MPPED1: variants seen among roughly 807,000 people sequenced by gnomAD.
MPPED1 encodes metallophosphoesterase domain containing 1, also known as metallophosphoesterase domain-containing protein 1.
MPPED1 carries 16 observed loss-of-function variants against 36.2 expected under a neutral mutation model. That is an observed-to-expected ratio of 0.44 (90% CI 0.30 to 0.67). MPPED1 has a LOEUF of 0.67. Ranked by LOEUF, MPPED1 falls within the 30% of genes least tolerant of loss-of-function variation. The pLI is 0.10. For synonymous variants in MPPED1, 199 were observed against 191.3 expected (o/e 1.04, Z -0.33); for missense variants, 307 against 453.4 (o/e 0.68, Z 2.93).
At chr22:43,458,627 GCTCT>G (rs951350633) in intron 3 of MPPED1, among the ~76,000 whole-genome samples, 6 of 152,130 alleles carry the variant, frequency 3.9e-5, no homozygotes, top group Admixed American at 3.9e-4. Flanking sequence ...CTTTACCAGT[GCTCT>G]CTATTTCTTC....
intron 3 of MPPED1, among the ~76,000 whole-genome samples, chr22:43,453,482 G>C (rs1383173168): frequency 6.6e-6 from 1 of 151,992 alleles, no homozygotes; most frequent in Non-Finnish European, 1.5e-5. Context: ...TGGTGAGTTG[G>C]AACCAGGTAT....
At chr22:43,431,725 C>T (rs899808548) in intron 2 of MPPED1, among the ~76,000 whole-genome samples, 6 of 152,240 alleles carry the variant, frequency 3.9e-5, no homozygotes, top group Admixed American at 2.0e-4. Context: ...GAGCCACTGC[C>T]TGTAACGTGC....
At chr22:43,419,263 G>C (rs971399688) in intron 1 of MPPED1, 1 of 152,198 alleles carries the variant, frequency 6.6e-6, no homozygotes, top group Non-Finnish European at 1.5e-5. Context: ...ATAAAAAGCC[G>C]ACTGTGTGTT....
chr22:43,476,003 ATGG>A (rs1159244114), intron 4 of MPPED1, among the ~76,000 whole-genome samples: 24 of 87,260 alleles, frequency 2.8e-4, no homozygotes, highest in African/African-American at 8.3e-4. Context: ...GGTGATGATG[ATGG>A]TGGTGGTGGT....
At chr22:43,446,300 G>C (rs1930344739) in intron 3 of MPPED1, among the ~76,000 whole-genome samples, 3 of 152,218 alleles carry the variant, frequency 2.0e-5, no homozygotes, top group African/African-American at 7.2e-5. Context: ...CACTGGGCGT[G>C]ATTCTAGGCA....
intron 3 of MPPED1, among the ~76,000 whole-genome samples, chr22:43,446,843 C>T (rs1930364016): frequency 6.6e-6 from 1 of 152,084 alleles, no homozygotes; most frequent in Non-Finnish European, 1.5e-5. Flanking sequence ...TTGTTCTACA[C>T]CCTGTGCCAG....
chr22:43,455,918 C>T (rs1430407425), intron 3 of MPPED1, among the ~76,000 whole-genome samples: 1 of 152,208 alleles, frequency 6.6e-6, no homozygotes, highest in South Asian at 2.1e-4. Flanking sequence ...TTTCACTGCT[C>T]TGGGGGTCAG....
At chr22:43,463,807 T>TTTTCTTTCTTTCTTTTTTTCTTTCTTTC (rs1491212045) in intron 3 of MPPED1, among the ~76,000 whole-genome samples, 1 of 112,890 alleles carries the variant, frequency 8.9e-6, no homozygotes, top group Non-Finnish European at 1.8e-5. Flanking sequence ...TCATTTTTTC[T>TTTTCTTTCTTTCTTTTTTTCTTTCTTTC]TTTCTTTCTT....
intron 4 of MPPED1, among the ~76,000 whole-genome samples, chr22:43,482,291 A>T (rs1569084523): frequency 6.6e-6 from 1 of 152,206 alleles, no homozygotes; most frequent in Non-Finnish European, 1.5e-5. Context: ...GTATTTTGAA[A>T]GAAGGGATCC....
At chr22:43,421,674 A>G (rs899616746) in intron 1 of MPPED1, among the ~76,000 whole-genome samples, 22 of 152,202 alleles carry the variant, frequency 1.4e-4, no homozygotes, top group African/African-American at 5.1e-4. Flanking sequence ...AAGTCTCCAG[A>G]CATTCTGTAT....
rs1930149225 is a variant in MPPED1 at position 43,441,527 on chromosome 22, A to G, written c.406+6312A>G. Among the ~76,000 whole-genome samples, 4 of 152,304 alleles carry G rather than the reference A, an allele frequency of 2.6e-5. No individual in the cohort carries two copies. The South Asian group carries it at 8.3e-4, about 32-fold the overall frequency. ...GGTGCCCAGGGGTGTTTGTTGTAAAAGCGTGGTCTGTAAAGCACATGATGG... is the reference window on the plus strand; with the variant it reads ...GGTGCCCAGGGGTGTTTGTTGTAAAGGCGTGGTCTGTAAAGCACATGATGG... On this transcript the variant is annotated intron_variant, in intron 3 of 6. Coordinates refer to ENST00000443721, the MANE Select transcript of MPPED1 (RefSeq NM_001044370.2).
At chr22:43,450,441 G>A (rs903702462) in intron 3 of MPPED1, among the ~76,000 whole-genome samples, 2 of 152,210 alleles carry the variant, frequency 1.3e-5, no homozygotes, top group Non-Finnish European at 2.9e-5. Flanking sequence ...GCTTAGCCTC[G>A]TGGGTCCTGA....
intron 1 of MPPED1, among the ~76,000 whole-genome samples, chr22:43,423,000 C>CCT (rs1245938358): frequency 2.0e-5 from 3 of 152,128 alleles, no homozygotes; most frequent in Non-Finnish European, 2.9e-5. Flanking sequence ...CAGTGCCCGG[C>CCT]TAATTTTTGT....
rs776108565 is a variant in MPPED1, at chr22:43,447,883, AT to A, written c.406+12682del. ...ATTATATATATATATATATATATATATTTTTTTTTTTTTTAGACAAAGTCTC... is the reference window on the plus strand; with the variant it reads ...ATTATATATATATATATATATATATATTTTTTTTTTTTTAGACAAAGTCTC... On this transcript the variant is annotated intron_variant, in intron 3 of 6. Transcript: ENST00000443721. Among the ~76,000 whole-genome samples the A allele has an allele frequency of 5.5e-3, 375 of 67,688 alleles. 4 individuals carry two copies. Among genetic ancestry groups the A allele is most frequent in the East Asian group, 0.016 (54 of 3,346 alleles). 44.4% of individuals were successfully genotyped at this position (67,688 alleles called of 152,430 possible).
intron 3 of MPPED1, among the ~76,000 whole-genome samples, chr22:43,452,398 A>G (rs1930601761): frequency 6.6e-6 from 1 of 151,974 alleles, no homozygotes; most frequent in Admixed American, 6.6e-5. Flanking sequence ...TGGTTCTGTA[A>G]AACTCAATAC....
At chr22:43,418,042 C>G (rs1384369204) in intron 1 of MPPED1, 1 of 456,156 alleles carries the variant, frequency 2.2e-6, no homozygotes, top group East Asian at 6.9e-5. Flanking sequence ...GAGTTTTGGA[C>G]CCAGGACAGC....
Position 43,495,480 on chromosome 22 carries a change from TGGTGGTG to T in MPPED1, c.633-2753_633-2747del, listed in dbSNP as rs1569088584. On this transcript the variant is annotated intron_variant, in intron 4 of 6. Coordinates refer to ENST00000443721, the MANE Select transcript of MPPED1 (RefSeq NM_001044370.2). ...GTGGAAGTGCTGGTGATGGTGGAGG[TGGTGGTG>T]GAGGTAGTGGTGGTGGAGGTGGTGG... 1.6e-4 allele frequency among the ~76,000 whole-genome samples: 8 copies of T among 48,708 alleles called. 1 individual carries two copies. Among genetic ancestry groups the T allele is most frequent in the Non-Finnish European group, 2.5e-4 (7 of 28,298 alleles). 32.0% of individuals were successfully genotyped at this position (48,708 alleles called of 152,430 possible).
chr22:43,485,827 C>T (rs905159378), intron 4 of MPPED1, among the ~76,000 whole-genome samples: 1 of 152,248 alleles, frequency 6.6e-6, no homozygotes, highest in South Asian at 2.1e-4. Flanking sequence ...TCTTCGGTTC[C>T]ACTTATCTTG....
intron 4 of MPPED1, among the ~76,000 whole-genome samples, chr22:43,488,226 T>G (rs1280706284): frequency 6.6e-6 from 1 of 152,102 alleles, no homozygotes; most frequent in African/African-American, 2.4e-5. Flanking sequence ...CGGGTGTGCC[T>G]GTGTGCTCAG....
Sources: gnomAD v4.1 joint callset for allele counts (sites outside exome capture counted in the v4.1 genomes callset) on GRCh38, gnomAD v4.1.1 for gene constraint, MANE v1.5 for transcripts, NCBI Gene and HGNC (gene_info 2026-07-23, HGNC 2026-07-21) for gene names.